PFKP: variants seen among roughly 807,000 people sequenced by gnomAD.
PFKP encodes the protein phosphofructokinase, platelet.
In PFKP, 101 loss-of-function variants were observed where a neutral mutation model predicts 94.3. That is an observed-to-expected ratio of 1.07 (90% CI 0.91 to 1.26). The LOEUF (loss-of-function observed/expected upper bound fraction) is 1.26, where lower values mean the gene tolerates loss of function less well. PFKP is among the 50% of genes most tolerant of loss of function. The pLI is 0.00. For missense variants in PFKP, 1,145 were observed against 1,103.3 expected (o/e 1.04, Z -0.53); for synonymous variants, 573 against 432.6 (o/e 1.32, Z -4.03).
At chr10:3,109,580 G>GA in intron 10 of PFKP, 100 bp downstream of exon 10, 1 of 1,409,444 alleles carries the variant, frequency 7.1e-7, no homozygotes, top group Non-Finnish European at 9.7e-7. Context: ...GTCGGTGCAC[G>GA]ATGCATTACA....
In PFKP at chr10:3,127,161, T is replaced by C. The variant is rs570460745; in HGVS notation, c.1684-2658T>C. Among the ~76,000 whole-genome samples the C allele has an allele frequency of 2.5e-3, 375 of 152,374 alleles. 1 individual carries two copies. Among genetic ancestry groups the C allele is most frequent in the African/African-American group, 8.8e-3 (368 of 41,598 alleles). On this transcript the variant is annotated intron_variant, in intron 16 of 21. Coordinates refer to ENST00000381125, the MANE Select transcript of PFKP (RefSeq NM_002627.5). ...GCTAATTCAGGCTTCAGATGCCATC[T>C]AGGTAATGAGGAGAGAGTTCAGGAA...
chr10:3,114,507 A>G (rs4881090), intron 13 of PFKP, among the ~76,000 whole-genome samples: 17,083 of 151,836 alleles, frequency 0.11, 1,120 homozygotes, highest in South Asian at 0.24. Flanking sequence ...AGCAGACACA[A>G]CTCTCTGGTT....
At chr10:3,121,733 G>GATTGTTTTA (rs1261738124) in intron 16 of PFKP, among the ~76,000 whole-genome samples, 3 of 149,256 alleles carry the variant, frequency 2.0e-5, no homozygotes, top group Non-Finnish European at 4.4e-5. Context: ...TTTATTATGC[G>GATTGTTTTA]ATTGTTTTAA....
intron 21 of PFKP, 144 bp downstream of exon 21, chr10:3,135,982 TTGGCTGGGCGCGG>T (rs1564365486): frequency 6.5e-6 from 4 of 616,738 alleles, no homozygotes; most frequent in Non-Finnish European, 1.2e-5. Context: ...ATACTAGGTC[TTGGCTGGGCGCGG>T]TGGCTCATGC....
chr10:3,104,014 G>A lies in PFKP; in HGVS notation c.620+70G>A, dbSNP rs531661804. The A allele has an allele frequency of 1.4e-5, 20 of 1,452,098 alleles. No individual in the cohort carries two copies. In the Middle Eastern group the frequency reaches 5.3e-4, roughly 38 times the overall value. 90.0% of individuals were successfully genotyped at this position (1,452,098 alleles called of 1,614,324 possible). A position where few individuals can be genotyped will look rare whatever the true frequency, so the allele number is the denominator to read the frequency against. On this transcript the variant is annotated intron_variant, in intron 5 of 21. Coordinates refer to ENST00000381125, the MANE Select transcript of PFKP (RefSeq NM_002627.5). The stretch of plus-strand genomic sequence containing the variant: ...GTGTGCCCAGCTCAGACGTTACCAC[G>A]GGCTCTAGAACATTCTGCAGATTGG...
At chr10:3,128,253 G>A (rs1301706981) in intron 16 of PFKP, among the ~76,000 whole-genome samples, 1 of 152,230 alleles carries the variant, frequency 6.6e-6, no homozygotes, top group Non-Finnish European at 1.5e-5. Context: ...TTGCAGCCTA[G>A]TGAGGAAGAT....
rs55739223 is a variant in PFKP at position 3,100,056 on chromosome 10, G to GGTGTGTGTGT, written c.264+724_264+733dup. Among the ~76,000 whole-genome samples, 491 of 137,790 alleles carry GGTGTGTGTGT rather than the reference G, an allele frequency of 3.6e-3. 2 individuals carry two copies. Among genetic ancestry groups the GGTGTGTGTGT allele is most frequent in the African/African-American group, 9.7e-3 (312 of 32,322 alleles). 90.4% of individuals were successfully genotyped at this position (137,790 alleles called of 152,430 possible). ...GGTGTCCTTGTATGTGTAGGTGTGT[G>GGTGTGTGTGT]GTGTGTGTGTGTGTGTGTGTGTGTG... On this transcript the variant is annotated intron_variant, in intron 3 of 21. Coordinates refer to ENST00000381125, the MANE Select transcript of PFKP (RefSeq NM_002627.5).
chr10:3,080,559 AT>A (rs1213308977), intron 1 of PFKP, among the ~76,000 whole-genome samples: 1 of 149,144 alleles, frequency 6.7e-6, no homozygotes, highest in Non-Finnish European at 1.5e-5. Flanking sequence ...TGAAACTGGT[AT>A]GGAAAACATC....
At position 3,131,525 on chromosome 10, in the gene PFKP, C is replaced by T. The variant is rs923423101; in HGVS notation, c.1849-855C>T. Among the ~76,000 whole-genome samples the T allele has an allele frequency of 2.6e-5, 4 of 152,118 alleles. No individual in the cohort carries two copies. The East Asian group carries it at 5.8e-4, about 22-fold the overall frequency. ...AGGCTGGAGTGTAGTGGCACAATCT[C>T]GGCTCACTGCAACTTCCGCCTCCTG... On this transcript the variant is annotated intron_variant, in intron 17 of 21. Coordinates refer to ENST00000381125, the MANE Select transcript of PFKP (RefSeq NM_002627.5).
chr10:3,125,895 C>T (rs537447656), intron 16 of PFKP, among the ~76,000 whole-genome samples: 6 of 152,302 alleles, frequency 3.9e-5, no homozygotes, highest in African/African-American at 1.2e-4. Flanking sequence ...CAGAGACGGT[C>T]CTCACTCAGC....
At chr10:3,095,061 G>A (rs1181711659) in intron 2 of PFKP, among the ~76,000 whole-genome samples, 4 of 152,112 alleles carry the variant, frequency 2.6e-5, no homozygotes, top group Admixed American at 2.6e-4. Flanking sequence ...TTAGTTGAGT[G>A]AAGAATTCAG....
intron 9 of PFKP, 131 bp from the exon 10 acceptor site, chr10:3,109,224 A>G: frequency 8.3e-7 from 1 of 1,209,656 alleles, no homozygotes; most frequent in Non-Finnish European, 1.2e-6. Flanking sequence ...TTTGCTCTAA[A>G]GAGTTGGGCT....
intron 8 of PFKP, among the ~76,000 whole-genome samples, chr10:3,108,408 C>T (rs1276669237): frequency 6.6e-6 from 1 of 152,034 alleles, no homozygotes. Flanking sequence ...GCTACTGAAA[C>T]GTTACTTTTT....
chr10:3,078,636 G>A (rs960623168), intron 1 of PFKP, among the ~76,000 whole-genome samples: 1 of 152,214 alleles, frequency 6.6e-6, no homozygotes, highest in South Asian at 2.1e-4. Context: ...AATAAGACTA[G>A]GGTTTACACT....
chr10:3,109,871 G>A (rs1178918831), intron 10 of PFKP, among the ~76,000 whole-genome samples: 2 of 151,792 alleles, frequency 1.3e-5, no homozygotes, highest in African/African-American at 2.4e-5. Flanking sequence ...CAGGGAGGCG[G>A]GCGTGAGAGA....
chr10:3,127,711 C>G (rs1029146506), intron 16 of PFKP, among the ~76,000 whole-genome samples: 2 of 152,166 alleles, frequency 1.3e-5, no homozygotes, highest in East Asian at 1.9e-4. Context: ...GTCCTCTGTC[C>G]TCCTAAGCAC....
chr10:3,117,923 G>T (rs1182697642), intron 14 of PFKP, among the ~76,000 whole-genome samples: 1 of 152,160 alleles, frequency 6.6e-6, no homozygotes, highest in East Asian at 1.9e-4. Context: ...TGGCCTGAAC[G>T]TTTTTGCCCT....
rs764672838 is a variant in PFKP at position 3,119,913 on chromosome 10, C to A, written c.1552C>A (p.Leu518Met). ...GFEAYLGLLE[L>M]SAAREKHEEF... ...ACAGGCCTACCTGGGACTCCTGGAG[C>A]TGTCAGCCGCCCGGGAGAAGCACGA... The change falls in exon 16 of 22, where the codon CTG becomes ATG. Residue 518 changes from leucine (L) to methionine (M), a missense_variant. Physicochemically the swap from Leu to Met is conservative, Grantham distance 15. This residue lies in a region of PFKP where 1,119 missense variants were observed against 1,062.8 expected (regional missense o/e 1.05). Transcript: ENST00000381125. 7 of 1,614,162 alleles carry A rather than the reference C, an allele frequency of 4.3e-6. No individual in the cohort carries two copies. In the South Asian group the frequency reaches 7.7e-5, roughly 18 times the overall value.
rs75094787 is a variant in PFKP at position 3,128,395 on chromosome 10, T to G, written c.1684-1424T>G. On this transcript the variant is annotated intron_variant, in intron 16 of 21. Transcript: ENST00000381125. Reference sequence around the variant, plus strand: ...TTGTGGTCCTAGAAACCAGGTGGTGTTTTCCTGAGGAAATGACATTTTCCT... The same window carrying G: ...TTGTGGTCCTAGAAACCAGGTGGTGGTTTCCTGAGGAAATGACATTTTCCT... 1.3e-4 allele frequency among the ~76,000 whole-genome samples: 20 copies of G among 152,276 alleles called. 1 individual carries two copies. The East Asian group carries it at 3.7e-3, about 28-fold the overall frequency.
Sources: allele counts gnomAD v4.1 joint callset (sites outside exome capture counted in the v4.1 genomes callset), GRCh38; gene constraint gnomAD v4.1.1; regional missense constraint gnomAD v4.1.1; transcripts MANE v1.5; gene names NCBI Gene and HGNC (gene_info 2026-07-23, HGNC 2026-07-21).